NMNAT2: variants seen among roughly 807,000 people sequenced by gnomAD.
NMNAT2 encodes nicotinamide/nicotinic acid mononucleotide adenylyltransferase 2.
A neutral mutation model predicts 41.6 loss-of-function variants in NMNAT2; 11 were observed. That is an observed-to-expected ratio of 0.26 (90% CI 0.17 to 0.44). The LOEUF is 0.44. NMNAT2 is among the 20% of genes least tolerant of loss of function. The pLI is 1.00. For synonymous variants in NMNAT2, 148 were observed against 151.2 expected, an observed-to-expected ratio of 0.98 and a Z score of 0.16; for missense variants, 288 against 407.7, an observed-to-expected ratio of 0.71 and a Z score of 2.53.
At chr1:183,404,393 G>A (rs778412379) in intron 1 of NMNAT2, among the ~76,000 whole-genome samples, 3 of 152,156 alleles carry the variant, frequency 2.0e-5, no homozygotes, top group Non-Finnish European at 2.9e-5. Context: ...CCCAGCCTCA[G>A]AAATGTAATA....
chr1:183,350,262 AG>A (rs1055472209), intron 1 of NMNAT2, among the ~76,000 whole-genome samples: 3 of 152,180 alleles, frequency 2.0e-5, no homozygotes, highest in Non-Finnish European at 2.9e-5. Flanking sequence ...GCCATGAGCC[AG>A]GGTGTGCAGG....
At chr1:183,327,355 C>T (rs962553602) in intron 1 of NMNAT2, among the ~76,000 whole-genome samples, 1 of 152,090 alleles carries the variant, frequency 6.6e-6, no homozygotes, top group African/African-American at 2.4e-5. Flanking sequence ...TGTGCCTGGC[C>T]CTAATTATAC....
At chr1:183,332,175 G>A (rs75318241) in intron 1 of NMNAT2, among the ~76,000 whole-genome samples, 226 of 152,318 alleles carry the variant, frequency 1.5e-3, no homozygotes, top group African/African-American at 5.1e-3. Context: ...CCAGCCAGGA[G>A]GGCCAGCTTT....
chr1:183,347,490 C>A lies in NMNAT2; in HGVS notation c.86-53697G>T, dbSNP rs142565439. Among the ~76,000 whole-genome samples, 27 of 152,136 alleles carry A rather than the reference C, an allele frequency of 1.8e-4. No homozygotes were observed. The East Asian group carries it at 4.8e-3, about 27-fold the overall frequency. ...GATGATGATAATAATAATAATAGTA[C>A]CTCCCTCATGGGACTGTTGAGAGGA... On this transcript the variant is annotated intron_variant, in intron 1 of 10. Coordinates refer to ENST00000287713, the MANE Select transcript of NMNAT2 (RefSeq NM_015039.4).
chr1:183,255,640 T>G (rs1314844989), intron 10 of NMNAT2, among the ~76,000 whole-genome samples: 1 of 148,202 alleles, frequency 6.7e-6, no homozygotes, highest in Admixed American at 6.8e-5. Flanking sequence ...TTTCACTTCC[T>G]TTGTTAAATT....
chr1:183,270,545 G>T (rs1436649010), intron 8 of NMNAT2, among the ~76,000 whole-genome samples: 1 of 150,172 alleles, frequency 6.7e-6, no homozygotes, highest in Non-Finnish European at 1.5e-5. Flanking sequence ...AAAAAAAAAA[G>T]AGAGAGAACC....
At chr1:183,364,708 T>C (rs1330863909) in intron 1 of NMNAT2, among the ~76,000 whole-genome samples, 1 of 152,112 alleles carries the variant, frequency 6.6e-6, no homozygotes, top group Non-Finnish European at 1.5e-5. Flanking sequence ...TTGTTATTGT[T>C]TGAGACGGAG....
chr1:183,407,019 A>T (rs549274120), intron 1 of NMNAT2, among the ~76,000 whole-genome samples: 1 of 152,166 alleles, frequency 6.6e-6, no homozygotes, highest in Admixed American at 6.5e-5. Context: ...GGGTTTCACC[A>T]TGTTGGTCAG....
chr1:183,356,820 A>G (rs946340032), intron 1 of NMNAT2, among the ~76,000 whole-genome samples: 3 of 152,214 alleles, frequency 2.0e-5, no homozygotes, highest in Admixed American at 2.0e-4. Flanking sequence ...GGTATGTCTG[A>G]AAATAACTGT....
intron 1 of NMNAT2, among the ~76,000 whole-genome samples, chr1:183,391,236 T>C: frequency 6.6e-6 from 1 of 152,154 alleles, no homozygotes. Flanking sequence ...TTTCTCTCTA[T>C]TTCACTCAGG....
At chr1:183,325,950 G>A (rs1490896376) in intron 1 of NMNAT2, among the ~76,000 whole-genome samples, 4 of 152,162 alleles carry the variant, frequency 2.6e-5, no homozygotes, top group Admixed American at 6.5e-5. Flanking sequence ...TCCCTGCCAC[G>A]AGTTTACAAC....
At chr1:183,379,434 G>A (rs151178505) in intron 1 of NMNAT2, among the ~76,000 whole-genome samples, 1 of 152,076 alleles carries the variant, frequency 6.6e-6, no homozygotes, top group African/African-American at 2.4e-5. Flanking sequence ...TCCCACCTCA[G>A]CCTCCCAAAG....
chr1:183,383,951 T>G (rs1001459874), intron 1 of NMNAT2, among the ~76,000 whole-genome samples: 10 of 152,220 alleles, frequency 6.6e-5, no homozygotes, highest in African/African-American at 2.4e-4. Flanking sequence ...TTCAGTTATC[T>G]TTATAGCAAT....
At chr1:183,369,945 G>A (rs550058804) in intron 1 of NMNAT2, among the ~76,000 whole-genome samples, 27 of 152,134 alleles carry the variant, frequency 1.8e-4, no homozygotes, top group Admixed American at 3.3e-4. Flanking sequence ...GAAACACCAC[G>A]AGCAAACAGA....
intron 1 of NMNAT2, among the ~76,000 whole-genome samples, chr1:183,386,695 A>T (rs1358394481): frequency 6.6e-6 from 1 of 152,144 alleles, no homozygotes; most frequent in South Asian, 2.1e-4. Flanking sequence ...TTCACTTGAC[A>T]TTCTTGTGTC....
Position 183,304,751 on chromosome 1 carries a change from GTT to G in NMNAT2, c.86-10960_86-10959del, listed in dbSNP as rs750776047. 6.2e-6 allele frequency: 10 copies of G among 1,613,746 alleles called. No individual in the cohort carries two copies. In the East Asian group the frequency reaches 2.2e-4, roughly 36 times the overall value. On this transcript the variant is annotated intron_variant, in intron 1 of 10. Coordinates refer to ENST00000287713, the MANE Select transcript of NMNAT2 (RefSeq NM_015039.4). ...TCCTGGATTTCCATCTATTTGTCTG[GTT>G]TTTGCAGCCACTACTTGCAGCCCTG...
At chr1:183,350,631 G>A (rs1663024495) in intron 1 of NMNAT2, among the ~76,000 whole-genome samples, 1 of 152,184 alleles carries the variant, frequency 6.6e-6, no homozygotes, top group Admixed American at 6.5e-5. Flanking sequence ...ACATCTAAAT[G>A]AGACTCTTGG....
At chr1:183,287,251 G>T (rs1264539936) in intron 4 of NMNAT2, among the ~76,000 whole-genome samples, 1 of 152,120 alleles carries the variant, frequency 6.6e-6, no homozygotes, top group African/African-American at 2.4e-5. Flanking sequence ...AATGCTTCAT[G>T]GGGCTCAAAT....
chr1:183,284,071 G>C (rs201359629), intron 6 of NMNAT2, 32 bp from the exon 7 acceptor site: 36 of 1,598,924 alleles, frequency 2.3e-5, no homozygotes, highest in Non-Finnish European at 2.9e-5. Flanking sequence ...TAGGGCATTA[G>C]GGAACAGGCT....
Sources: allele counts gnomAD v4.1 joint callset (sites outside exome capture counted in the v4.1 genomes callset), GRCh38; gene constraint gnomAD v4.1.1; transcripts MANE v1.5; gene names NCBI Gene and HGNC (gene_info 2026-07-23, HGNC 2026-07-21).